Variants in CPS1 observed in about 807,000 individuals in gnomAD.
CPS1 encodes the protein carbamoyl-phosphate synthase [ammonia], mitochondrial.
A neutral mutation model predicts 174.6 loss-of-function variants in CPS1; 109 were observed. The ratio of observed to expected loss-of-function variants is 0.62; its 90% CI spans 0.53 to 0.73. The LOEUF is 0.73. Among genes scored for constraint, CPS1 ranks in the 30% least tolerant of loss-of-function variants. The pLI is 0.00. For missense variants in CPS1, 1,689 were observed against 1,821.9 expected (o/e 0.93, Z 1.33); for synonymous variants, 637 against 632.0 (o/e 1.01, Z -0.12).
intron 1 of CPS1, among the ~76,000 whole-genome samples, chr2:210,481,188 C>T (rs1232381431): frequency 6.6e-6 from 1 of 152,112 alleles, no homozygotes; most frequent in Non-Finnish European, 1.5e-5. Flanking sequence ...AAAAGATGTA[C>T]AAACATTTAA....
At chr2:210,602,170 T>C (rs940865547) in intron 15 of CPS1, 32 bp from the exon 16 acceptor site, 2 of 1,611,220 alleles carry the variant, frequency 1.2e-6, no homozygotes, top group African/African-American at 1.3e-5. Flanking sequence ...TGCTCAGCTT[T>C]TAAAATGTTG....
intron 23 of CPS1, 44 bp from the exon 24 acceptor site, chr2:210,639,952 T>A (rs879175164): frequency 7.4e-7 from 1 of 1,350,404 alleles, no homozygotes; most frequent in Non-Finnish European, 1.1e-6. Context: ...AATGGAATAA[T>A]AACACTTAAT....
upstream of CPS1, among the ~76,000 whole-genome samples, chr2:210,554,201 A>G (rs1364423556): frequency 1.4e-4 from 19 of 138,002 alleles, 2 homozygotes; most frequent in East Asian, 4.1e-4. Context: ...ACATATATAT[A>G]TGTATGTATA....
At chr2:210,516,466 C>G (rs1236294875) in intron 1 of CPS1, among the ~76,000 whole-genome samples, 2 of 151,880 alleles carry the variant, frequency 1.3e-5, no homozygotes, top group East Asian at 3.9e-4. Flanking sequence ...CCTTTCACTT[C>G]TAACCTATGT....
intron 1 of CPS1, among the ~76,000 whole-genome samples, chr2:210,527,572 C>T (rs2105995998): frequency 6.6e-6 from 1 of 152,048 alleles, no homozygotes; most frequent in South Asian, 2.1e-4. Context: ...GCAATTTCCT[C>T]AGGAAGTGTT....
At chr2:210,525,821 G>GAT (rs1695958019) in intron 1 of CPS1, among the ~76,000 whole-genome samples, 1 of 149,974 alleles carries the variant, frequency 6.7e-6, no homozygotes, top group South Asian at 2.1e-4. Context: ...GAGAGAGAGA[G>GAT]AGAGAGGGAG....
intron 21 of CPS1, among the ~76,000 whole-genome samples, chr2:210,632,496 C>T (rs745849639): frequency 1.3e-5 from 2 of 152,094 alleles, no homozygotes; most frequent in Non-Finnish European, 2.9e-5. Context: ...CAATTTTCTA[C>T]TGTGTATAAT....
At chr2:210,652,957 G>A (rs964811372) in intron 28 of CPS1, among the ~76,000 whole-genome samples, 1 of 152,176 alleles carries the variant, frequency 6.6e-6, no homozygotes, top group African/African-American at 2.4e-5. Context: ...GCACAGAAAT[G>A]TAGTTTACAG....
At chr2:210,536,300 A>T (rs1452261416) in intron 1 of CPS1, among the ~76,000 whole-genome samples, 2 of 147,574 alleles carry the variant, frequency 1.4e-5, no homozygotes. Context: ...ATGTATTTTG[A>T]TTTAAATAGT....
At chr2:210,525,317 T>G (rs990555019) in intron 1 of CPS1, among the ~76,000 whole-genome samples, 1 of 151,912 alleles carries the variant, frequency 6.6e-6, no homozygotes, top group Non-Finnish European at 1.5e-5. Flanking sequence ...ACAATTAACT[T>G]ATCTGAGAGA....
intron 1 of CPS1, among the ~76,000 whole-genome samples, chr2:210,572,414 G>A (rs1484791756): frequency 1.3e-5 from 2 of 151,918 alleles, no homozygotes; most frequent in Admixed American, 6.6e-5. Flanking sequence ...GTCTCCTAAG[G>A]TGTAGTTGAA....
At chr2:210,572,009 T>C (rs1045289137) in intron 1 of CPS1, among the ~76,000 whole-genome samples, 4 of 151,666 alleles carry the variant, frequency 2.6e-5, no homozygotes, top group African/African-American at 7.3e-5. Context: ...GAAGAATTAG[T>C]ATTTTTTTTT....
rs374194056 is a variant in CPS1 at position 210,588,004 on chromosome 2, T to C, written c.622-54T>C. 2.6e-6 allele frequency: 4 copies of C among 1,511,876 alleles called. No individual in the cohort carries two copies. The East Asian group carries it at 9.0e-5, about 34-fold the overall frequency. The allele number at this position is 1,511,876 out of a possible 1,614,324, so 93.7% of individuals were successfully genotyped here. A position where few individuals can be genotyped will look rare whatever the true frequency, so the allele number is the denominator to read the frequency against. On this transcript the variant is annotated intron_variant, in intron 6 of 37. Transcript: ENST00000233072. ...TTGTCAGATGTGTTTATGATTTTGGTCTGTTGCCCATAGCTGGGACTTCCC... is the reference window on the plus strand; with the variant it reads ...TTGTCAGATGTGTTTATGATTTTGGCCTGTTGCCCATAGCTGGGACTTCCC...
At chr2:210,482,425 C>T (rs531149607) in intron 1 of CPS1, among the ~76,000 whole-genome samples, 498 of 152,104 alleles carry the variant, frequency 3.3e-3, no homozygotes, top group Non-Finnish European at 5.1e-3. Flanking sequence ...ACCGCAGCCC[C>T]CTGAGTAGCT....
At chr2:210,646,568 A>G (rs1042448053) in intron 25 of CPS1, among the ~76,000 whole-genome samples, 4 of 152,194 alleles carry the variant, frequency 2.6e-5, no homozygotes, top group Non-Finnish European at 5.9e-5. Context: ...TGGCAGTTCT[A>G]CTAATATTCA....
chr2:210,560,644 T>G (rs1031765295), intron 1 of CPS1, among the ~76,000 whole-genome samples: 4 of 152,188 alleles, frequency 2.6e-5, no homozygotes, highest in African/African-American at 7.2e-5. Flanking sequence ...TAAGATTTTA[T>G]ATTCTGATTT....
chr2:210,522,479 G>C (rs13405091), intron 1 of CPS1, among the ~76,000 whole-genome samples: 1 of 151,640 alleles, frequency 6.6e-6, no homozygotes, highest in Admixed American at 6.6e-5. Flanking sequence ...CAAGAGAATT[G>C]CATTTTCATT....
At chr2:210,487,054 C>T (rs1223867925) in intron 1 of CPS1, among the ~76,000 whole-genome samples, 2 of 152,030 alleles carry the variant, frequency 1.3e-5, no homozygotes, top group African/African-American at 4.8e-5. Context: ...GCTGTCTACA[C>T]ACACAAAAAT....
chr2:210,659,504 G>C (rs1190917835), intron 31 of CPS1, among the ~76,000 whole-genome samples: 1 of 152,000 alleles, frequency 6.6e-6, no homozygotes. Flanking sequence ...CCACCCCTCG[G>C]ACCCAAACAC....
Sources: allele counts gnomAD v4.1 joint callset (sites outside exome capture counted in the v4.1 genomes callset), GRCh38; gene constraint gnomAD v4.1.1; transcripts MANE v1.5; gene names NCBI Gene and HGNC (gene_info 2026-07-23, HGNC 2026-07-21).